Variants in IMMT observed in about 807,000 individuals in gnomAD.
The protein encoded by IMMT is MICOS complex subunit MIC60.
Under a neutral mutation model 92.7 loss-of-function variants are expected in IMMT, and 40 were observed. The ratio of observed to expected loss-of-function variants is 0.43; its 90% CI spans 0.34 to 0.56. The LOEUF is 0.56. IMMT is among the 20% of genes least tolerant of loss of function. IMMT has a pLI of 0.03. For synonymous variants in IMMT, 322 were observed against 336.1 expected (o/e 0.96, Z 0.46); for missense variants, 831 against 912.1 (o/e 0.91, Z 1.14).
intron 3 of IMMT, among the ~76,000 whole-genome samples, chr2:86,175,741 A>G (rs1278861385): frequency 6.7e-6 from 1 of 150,170 alleles, no homozygotes; most frequent in East Asian, 2.0e-4. Context: ...AAAAAAAAAT[A>G]GAAACACTAA....
At chr2:86,192,024 G>A (rs1162258465) in intron 1 of IMMT, among the ~76,000 whole-genome samples, 1 of 152,198 alleles carries the variant, frequency 6.6e-6, no homozygotes, top group Non-Finnish European at 1.5e-5. Context: ...CTTGAGCCCA[G>A]AAGTTCAAAA....
At chr2:86,167,641 C>T (rs1278684570) in intron 6 of IMMT, among the ~76,000 whole-genome samples, 2 of 151,920 alleles carry the variant, frequency 1.3e-5, no homozygotes, top group African/African-American at 4.8e-5. Context: ...CCTGCCACCA[C>T]GCTCAGCTAA....
intron 10 of IMMT, 98 bp from the exon 11 acceptor site, chr2:86,153,672 T>G: frequency 1.5e-6 from 1 of 672,778 alleles, no homozygotes; most frequent in Non-Finnish European, 2.4e-6. Flanking sequence ...CAAGAAGGAA[T>G]CGGAGACTAG....
rs540613367 is a variant in IMMT, at chr2:86,164,052, A to ATTTT, written c.793-1977_793-1974dup. Among the ~76,000 whole-genome samples, 368 of 63,046 alleles carry ATTTT rather than the reference A, an allele frequency of 5.8e-3. 38 individuals carry two copies. Among genetic ancestry groups the ATTTT allele is most frequent in the Admixed American group, 0.033 (121 of 3,694 alleles). 41.4% of individuals were successfully genotyped at this position (63,046 alleles called of 152,430 possible). ...GTTTCAGTGAATTCCCACTTTAGTC[A>ATTTT]TTTTTTTTTTTTTTTTTTTTTTGAG... On this transcript the variant is annotated intron_variant, in intron 7 of 14. Coordinates refer to ENST00000410111, the MANE Select transcript of IMMT (RefSeq NM_006839.3).
chr2:86,149,528 C>T (rs1675303624), intron 12 of IMMT, among the ~76,000 whole-genome samples: 5 of 152,070 alleles, frequency 3.3e-5, no homozygotes, highest in African/African-American at 1.2e-4. Context: ...GAAGAAAGGG[C>T]AAATTGGCTG....
chr2:86,184,330 C>A (rs1449623938), intron 1 of IMMT, among the ~76,000 whole-genome samples: 2 of 152,022 alleles, frequency 1.3e-5, no homozygotes, highest in Non-Finnish European at 2.9e-5. Flanking sequence ...GCCCACCATA[C>A]CCAGCTAATA....
intron 10 of IMMT, among the ~76,000 whole-genome samples, chr2:86,158,052 T>C (rs1372204762): frequency 6.6e-6 from 1 of 152,180 alleles, no homozygotes; most frequent in South Asian, 2.1e-4. Context: ...AGCTACACCA[T>C]GTAACGACTT....
At chr2:86,144,918 C>A in intron 14 of IMMT, 37 bp from the exon 15 acceptor site, 4 of 1,548,352 alleles carry the variant, frequency 2.6e-6, no homozygotes, top group Non-Finnish European at 2.6e-6. Flanking sequence ...ACATTTTTCT[C>A]TCCATCTGAC....
intron 8 of IMMT, 40 bp downstream of exon 8, chr2:86,161,936 A>G: frequency 7.5e-7 from 1 of 1,331,800 alleles, no homozygotes; most frequent in Non-Finnish European, 1.1e-6. Flanking sequence ...GAAAGCCACC[A>G]GGAGGCCCTA....
intron 12 of IMMT, among the ~76,000 whole-genome samples, chr2:86,149,750 C>A (rs960180675): frequency 6.6e-6 from 1 of 152,042 alleles, no homozygotes; most frequent in Non-Finnish European, 1.5e-5. Flanking sequence ...TGGTGGCATG[C>A]ACCTGTAAGT....
At chr2:86,144,962 A>G in intron 14 of IMMT, 81 bp from the exon 15 acceptor site, 1 of 1,444,436 alleles carries the variant, frequency 6.9e-7, no homozygotes, top group South Asian at 1.4e-5. Context: ...CACATTCAAC[A>G]AGCTACATCT....
intron 3 of IMMT, 105 bp from the exon 4 acceptor site, chr2:86,173,866 A>C: frequency 1.6e-6 from 1 of 628,406 alleles, no homozygotes; most frequent in South Asian, 1.9e-5. Flanking sequence ...CTTTTAACAT[A>C]AAGTTATCAA....
At chr2:86,191,336 C>T (rs563693039) in intron 1 of IMMT, among the ~76,000 whole-genome samples, 1 of 137,714 alleles carries the variant, frequency 7.3e-6, no homozygotes, top group East Asian at 2.0e-4. Flanking sequence ...CAGAGCAAGA[C>T]CCTATCTCAA....
At chr2:86,178,740 A>C (rs1677621657) in intron 3 of IMMT, among the ~76,000 whole-genome samples, 1 of 152,218 alleles carries the variant, frequency 6.6e-6, no homozygotes, top group Non-Finnish European at 1.5e-5. Context: ...TCAACCAACC[A>C]CAGATTGAAA....
intron 14 of IMMT, among the ~76,000 whole-genome samples, 153 bp downstream of exon 14, chr2:86,145,915 C>T (rs545822170): frequency 6.6e-6 from 1 of 152,228 alleles, no homozygotes; most frequent in African/African-American, 2.4e-5. Context: ...TAGATTTTGC[C>T]ATTACTTTTA....
Position 86,171,274 on chromosome 2 carries a change from G to T in IMMT, c.493C>A (p.Pro165Thr), listed in dbSNP as rs1026784585. 2 of 1,609,158 alleles carry T rather than the reference G, an allele frequency of 1.2e-6. No individual in the cohort carries two copies. The highest frequency in any genetic ancestry group is 1.7e-6 in the Non-Finnish European group (2 of 1,177,252). Reference protein sequence around the residue: ...TLSVPAPAVQPEESLKTDHPE... With the variant: ...TLSVPAPAVQTEESLKTDHPE... ...TGATCAGTTTTTAAAGATTCCTCAG[G>T]CTGAACTGCAGGGGCTGGGACCGAC... The change falls in exon 5 of 15, where the codon CCT becomes ACT. Residue 165 changes from proline to threonine, a missense_variant. Coordinates refer to ENST00000410111, the MANE Select transcript of IMMT (RefSeq NM_006839.3).
intron 13 of IMMT, among the ~76,000 whole-genome samples, chr2:86,147,134 C>G (rs1429250830): frequency 6.6e-6 from 1 of 152,058 alleles, no homozygotes; most frequent in Non-Finnish European, 1.5e-5. Context: ...AAATTATATT[C>G]TAATATCTTG....
chr2:86,167,249 G>GCA (rs1247973357), intron 6 of IMMT, among the ~76,000 whole-genome samples: 1 of 137,514 alleles, frequency 7.3e-6, no homozygotes, highest in Non-Finnish European at 1.5e-5. Context: ...TCGGCTCACT[G>GCA]CAAGCTCCGC....
chr2:86,173,604 A>C, intron 4 of IMMT, 46 bp downstream of exon 4: 90 of 1,060,960 alleles, frequency 8.5e-5, no homozygotes, highest in Non-Finnish European at 1.1e-4. Flanking sequence ...GAATTGGTGA[A>C]GAGATTTACC....
Sources: gnomAD v4.1 joint callset for allele counts (sites outside exome capture counted in the v4.1 genomes callset) on GRCh38, gnomAD v4.1.1 for gene constraint, MANE v1.5 for transcripts, NCBI Gene and HGNC (gene_info 2026-07-23, HGNC 2026-07-21) for gene names.